The following DCDC1 variants were observed in gnomAD, a reference collection of about 807,000 sequenced individuals.
DCDC1 encodes doublecortin domain containing 1, also known as doublecortin domain-containing protein 1.
DCDC1 carries 200 observed loss-of-function variants against 178.3 expected under a neutral mutation model. The ratio of observed to expected loss-of-function variants is 1.12; its 90% confidence interval spans 1.00 to 1.26. The LOEUF (loss-of-function observed/expected upper bound fraction) is 1.26, where lower values mean the gene tolerates loss of function less well. Among genes scored for constraint, DCDC1 ranks in the 50% most tolerant of loss-of-function variants. The pLI is 0.00. For synonymous variants in DCDC1, 690 were observed against 604.8 expected, an observed-to-expected ratio of 1.14 and a Z score of -2.07; for missense variants, 1,983 against 1,749.2, an observed-to-expected ratio of 1.13 and a Z score of -2.38.
At chr11:31,230,446 G>T (rs1174435540) in intron 9 of DCDC1, among the ~76,000 whole-genome samples, 1 of 152,016 alleles carries the variant, frequency 6.6e-6, no homozygotes, top group Non-Finnish European at 1.5e-5. Flanking sequence ...GGTGGTTCAC[G>T]CAGGCCAAGA....
chr11:31,258,943 A>C (rs1944594810), intron 8 of DCDC1, among the ~76,000 whole-genome samples: 1 of 152,178 alleles, frequency 6.6e-6, no homozygotes, highest in African/African-American at 2.4e-5. Context: ...AAAGGAAAGA[A>C]CATTAAGATG....
At chr11:30,896,037 C>T (rs918040313) in intron 34 of DCDC1, among the ~76,000 whole-genome samples, 1 of 152,100 alleles carries the variant, frequency 6.6e-6, no homozygotes, top group Non-Finnish European at 1.5e-5. Context: ...TGTCAACTTG[C>T]TTCTAACGGT....
intron 10 of DCDC1, among the ~76,000 whole-genome samples, chr11:31,128,733 C>T (rs1034355343): frequency 1.3e-5 from 2 of 152,102 alleles, no homozygotes; most frequent in Non-Finnish European, 2.9e-5. Context: ...ATAACACTGG[C>T]TTTACATATT....
At chr11:31,082,702 T>C (rs746088491) in intron 17 of DCDC1, among the ~76,000 whole-genome samples, 15 of 152,002 alleles carry the variant, frequency 9.9e-5, no homozygotes, top group Non-Finnish European at 1.5e-4. Context: ...CATTTACACA[T>C]ATATATATAT....
intron 9 of DCDC1, among the ~76,000 whole-genome samples, chr11:31,225,005 C>T (rs1284975159): frequency 6.6e-6 from 1 of 152,088 alleles, no homozygotes; most frequent in Admixed American, 6.6e-5. Flanking sequence ...AATCCCACTA[C>T]TAGGAATCTA....
intron 38 of DCDC1, among the ~76,000 whole-genome samples, chr11:30,878,116 G>A (rs970621492): frequency 1.3e-5 from 2 of 151,994 alleles, no homozygotes; most frequent in Non-Finnish European, 2.9e-5. Context: ...ACAAACTTGA[G>A]GCATCAAATG....
intron 20 of DCDC1, among the ~76,000 whole-genome samples, chr11:30,997,422 T>C (rs1412179111): frequency 2.0e-5 from 3 of 151,996 alleles, no homozygotes; most frequent in Non-Finnish European, 4.4e-5. Context: ...ACAATAAATA[T>C]ACAACATAAC....
chr11:31,220,831 G>A (rs1254638555), intron 9 of DCDC1, among the ~76,000 whole-genome samples: 1 of 152,132 alleles, frequency 6.6e-6, no homozygotes, highest in African/African-American at 2.4e-5. Flanking sequence ...AGATCAGAGT[G>A]CGAGTATGGT....
At chr11:31,090,765 C>T (rs1048294886) in intron 17 of DCDC1, among the ~76,000 whole-genome samples, 2 of 152,094 alleles carry the variant, frequency 1.3e-5, no homozygotes, top group African/African-American at 4.8e-5. Flanking sequence ...TTGGTAATGG[C>T]TTTTTAAGTC....
chr11:31,215,525 T>C (rs981838811), intron 9 of DCDC1, among the ~76,000 whole-genome samples: 2 of 149,560 alleles, frequency 1.3e-5, no homozygotes, highest in Admixed American at 1.3e-4. Flanking sequence ...CCTGGCGCGG[T>C]AGCTCATGCC....
At chr11:31,284,957 C>T (rs1458569884) in intron 7 of DCDC1, among the ~76,000 whole-genome samples, 1 of 151,974 alleles carries the variant, frequency 6.6e-6, no homozygotes, top group East Asian at 1.9e-4. Context: ...GTCTTAACTG[C>T]TCCTAAATAA....
At chr11:30,922,321 A>T (rs1946304296) in intron 24 of DCDC1, among the ~76,000 whole-genome samples, 182 bp downstream of exon 24, 1 of 152,252 alleles carries the variant, frequency 6.6e-6, no homozygotes. Flanking sequence ...TGCACATTCA[A>T]ACTGTAGTGT....
chr11:30,994,946 A>C (rs1326133381), intron 20 of DCDC1, among the ~76,000 whole-genome samples: 1 of 151,422 alleles, frequency 6.6e-6, no homozygotes, highest in African/African-American at 2.4e-5. Flanking sequence ...AGGAATAAAA[A>C]GAAGAAATGA....
At chr11:31,343,981 G>T (rs2133239207) in intron 1 of DCDC1, among the ~76,000 whole-genome samples, 1 of 152,032 alleles carries the variant, frequency 6.6e-6, no homozygotes, top group East Asian at 1.9e-4. Context: ...GCTTTCAGTA[G>T]GATTAGTTAT....
Position 31,274,993 on chromosome 11 carries a change from C to T in DCDC1, c.961-9393G>A, listed in dbSNP as rs1271487744. On this transcript the variant is annotated intron_variant, in intron 7 of 38. Transcript: ENST00000684477. ...GGATTACAGGTGTGAGCCACCACAC[C>T]CGTCTTTATTTTACAAATCTCTTTG... is the stretch of plus-strand genomic sequence containing the variant. Among the ~76,000 whole-genome samples the T allele has an allele frequency of 5.3e-5, 8 of 152,198 alleles. No individual in the cohort carries two copies. In the South Asian group the frequency reaches 1.0e-3, roughly 20 times the overall value.
At chr11:31,289,023 T>G (rs1947034056) in intron 7 of DCDC1, among the ~76,000 whole-genome samples, 1 of 151,988 alleles carries the variant, frequency 6.6e-6, no homozygotes, top group African/African-American at 2.4e-5. Context: ...TTGTGAAAAT[T>G]CTTTAAATAT....
At chr11:31,231,570 T>A (rs1353593844) in intron 9 of DCDC1, among the ~76,000 whole-genome samples, 3 of 152,054 alleles carry the variant, frequency 2.0e-5, no homozygotes, top group Non-Finnish European at 2.9e-5. Flanking sequence ...CATATAGGAG[T>A]TGGGAATCTG....
At chr11:31,201,087 G>A (rs1971239410) in intron 9 of DCDC1, among the ~76,000 whole-genome samples, 1 of 151,916 alleles carries the variant, frequency 6.6e-6, no homozygotes, top group Non-Finnish European at 1.5e-5. Flanking sequence ...GCTTCTTAAG[G>A]ACAAGGAGCA....
chr11:31,211,094 G>T (rs1441022469), intron 9 of DCDC1, among the ~76,000 whole-genome samples: 1 of 152,134 alleles, frequency 6.6e-6, no homozygotes, highest in Non-Finnish European at 1.5e-5. Flanking sequence ...GAGACAAAGG[G>T]ACTGCTCTCA....
Sources: allele counts gnomAD v4.1 joint callset (sites outside exome capture counted in the v4.1 genomes callset), GRCh38; gene constraint gnomAD v4.1.1; transcripts MANE v1.5; gene names NCBI Gene and HGNC (gene_info 2026-07-23, HGNC 2026-07-21).